Variants in PIAS4 observed in about 807,000 individuals in gnomAD.
PIAS4 encodes the protein E3 SUMO-protein ligase PIAS4.
Under a neutral mutation model 58.0 loss-of-function variants are expected in PIAS4, and 7 were observed. That is an observed-to-expected ratio of 0.12 (90% CI 0.07 to 0.23). PIAS4 has a LOEUF of 0.23. Among genes scored for constraint, PIAS4 ranks in the 10% least tolerant of loss-of-function variants. The pLI is 1.00. For missense variants in PIAS4, 550 were observed against 709.5 expected, an observed-to-expected ratio of 0.78 and a Z score of 2.55; for synonymous variants, 364 against 312.4, an observed-to-expected ratio of 1.17 and a Z score of -1.74.
chr19:4,018,258 G>A (rs992480544), intron 2 of PIAS4, among the ~76,000 whole-genome samples: 7 of 152,364 alleles, frequency 4.6e-5, no homozygotes, highest in Middle Eastern at 3.4e-3. Context: ...CACCGGGCCG[G>A]TGCTTGCCGC....
intron 3 of PIAS4, among the ~76,000 whole-genome samples, chr19:4,026,801 G>A (rs1013847193): frequency 4.6e-5 from 7 of 152,108 alleles, no homozygotes; most frequent in African/African-American, 1.7e-4. Flanking sequence ...TCTTGCCCCA[G>A]ACTTCTGACT....
intron 4 of PIAS4, 119 bp from the exon 5 acceptor site, chr19:4,028,391 G>C: frequency 1.2e-6 from 1 of 824,978 alleles, no homozygotes; most frequent in Admixed American, 2.1e-5. Flanking sequence ...GATACCCCCC[G>C]TGTCACATTC....
At chr19:4,033,372 C>T (rs773100224) in intron 8 of PIAS4, 48 bp from the exon 9 acceptor site, 356 of 1,511,534 alleles carry the variant, frequency 2.4e-4, no homozygotes, top group Non-Finnish European at 3.1e-4. Flanking sequence ...ACCGGGCAGG[C>T]GGGCACAACA....
chr19:4,037,274 A>T lies in PIAS4; in HGVS notation c.1143-100A>T, dbSNP rs567748011. On this transcript the variant is annotated intron_variant, in intron 9 of 10. Coordinates refer to ENST00000262971, the MANE Select transcript of PIAS4 (RefSeq NM_015897.4). This position sits in a 1 kb window ranked among gnomAD's most constrained non-coding sequence, Gnocchi z 5.8. ...TGGTGAGGCTGCTCTTGCAGAGAGA[A>T]GTGGGGAGTGCCTGGCTGCATCCGG... is the stretch of plus-strand genomic sequence containing the variant. 18 of 1,384,854 alleles carry T rather than the reference A, an allele frequency of 1.3e-5. No homozygotes were observed. In the African/African-American group the frequency reaches 3.0e-4, roughly 23 times the overall value. 85.8% of individuals were successfully genotyped at this position (1,384,854 alleles called of 1,614,324 possible).
rs148740518 is a variant in PIAS4, at chr19:4,013,278, A to T, written c.383A>T (p.Lys128Met). The T allele has an allele frequency of 1.8e-3, 2,828 of 1,613,306 alleles. 5 individuals carry two copies. Among genetic ancestry groups the T allele is most frequent in the Non-Finnish European group, 2.0e-3 (2,410 of 1,180,002 alleles). ...GGACGGTTGCCCGCCAAGACCCTCA[A>T]GCCAGAAGTCCGCCTGGTGAAGCTG... ...GLGRLPAKTLKPEVRLVKLPF... is the reference protein window; with the variant it reads ...GLGRLPAKTLMPEVRLVKLPF... Residue 128 changes from lysine to methionine, a missense_variant, in exon 2 of 11, where the codon AAG becomes ATG. By Grantham distance (95) the Lys-to-Met change is moderately conservative (BLOSUM62 -1). Coordinates refer to ENST00000262971, the MANE Select transcript of PIAS4 (RefSeq NM_015897.4). This position sits in a 1 kb window ranked among gnomAD's most constrained non-coding sequence, Gnocchi z 5.1.
chr19:4,023,288 G>A (rs1318304227), intron 2 of PIAS4, among the ~76,000 whole-genome samples: 3 of 151,950 alleles, frequency 2.0e-5, no homozygotes, highest in African/African-American at 7.3e-5. Context: ...AAACCAGCCT[G>A]GCCAACATGG....
intron 2 of PIAS4, among the ~76,000 whole-genome samples, chr19:4,021,742 C>CTTTTTTTTTTTTTTTT (rs776416490): frequency 1.9e-5 from 2 of 104,086 alleles, no homozygotes; most frequent in Non-Finnish European, 4.0e-5. Context: ...TTTTCTTTTT[C>CTTTTTTTTTTTTTTTT]TTTTTTTTTT....
intron 7 of PIAS4, among the ~76,000 whole-genome samples, chr19:4,031,925 G>A (rs1002357527): frequency 3.3e-5 from 5 of 152,168 alleles, no homozygotes; most frequent in African/African-American, 7.2e-5. Context: ...CCCGGGCACC[G>A]GGTAGCCAGA....
rs1191698563 is a variant in PIAS4, at chr19:4,037,421, A to T, written c.1190A>T (p.Glu397Val). 6.2e-7 allele frequency: 1 copy of T among 1,611,234 alleles called. No individual in the cohort carries two copies. The highest frequency in any genetic ancestry group is 1.1e-5 in the South Asian group (1 of 91,032). Residue 397 changes from glutamate (E) to valine (V), a missense_variant, in exon 10 of 11, where the codon GAG (glutamate) becomes GTG (valine). Physicochemically the swap from Glu to Val is moderately radical, Grantham distance 121. Around this residue, in one of 4 missense-constraint regions of PIAS4, gnomAD observed 188 missense variants for 192.0 expected, o/e 0.98. Transcript: ENST00000262971. The surrounding 1 kb of genome is among the most constrained non-coding windows in gnomAD (Gnocchi z 5.8). The part of the protein sequence containing the change: ...LSECEDADEI[E>V]YLVDGSWCPI... ...GAGTGTGAGGACGCCGACGAGATCG[A>T]GTACCTGGTGGACGGCTCGTGGTGC...
At chr19:4,033,234 G>A (rs1256936116) in intron 8 of PIAS4, 61 bp downstream of exon 8, 7 of 1,515,450 alleles carry the variant, frequency 4.6e-6, no homozygotes, top group East Asian at 4.6e-5. Context: ...CCCCCCTGGC[G>A]GCCCTGGGCC....
At position 4,028,810 on chromosome 19, in the gene PIAS4, A is replaced by G. The variant is rs1369901709; in HGVS notation, c.763A>G (p.Thr255Ala). The change falls in exon 6 of 11, where the codon ACC (threonine) becomes GCC (alanine). Residue 255 changes from threonine to alanine, a missense_variant. By Grantham distance (58) the Thr-to-Ala change is moderately conservative (BLOSUM62 0). Around this residue, in one of 4 missense-constraint regions of PIAS4, gnomAD observed 225 missense variants for 345.8 expected, o/e 0.65. Transcript: ENST00000262971. ...LTHLMYLSSA[T>A]NRITVTWGNY... Reference sequence around the variant, plus strand: ...CCACCTCATGTACCTGTCCTCGGCCACCAACCGCATCACTGTCACCTGGGG... The same window carrying G: ...CCACCTCATGTACCTGTCCTCGGCCGCCAACCGCATCACTGTCACCTGGGG... The G allele has an allele frequency of 1.2e-6, 2 of 1,613,554 alleles. No individual in the cohort carries two copies. The highest frequency in any genetic ancestry group is 3.3e-5 in the Admixed American group (2 of 60,008).
At chr19:4,030,351 G>A (rs941408288) in intron 7 of PIAS4, among the ~76,000 whole-genome samples, 1 of 148,970 alleles carries the variant, frequency 6.7e-6, no homozygotes, top group South Asian at 2.2e-4. Context: ...AAGGCGCAGT[G>A]GCTCACACCT....
At chr19:4,009,750 T>C (rs2039975545) in intron 1 of PIAS4, among the ~76,000 whole-genome samples, 5 of 152,186 alleles carry the variant, frequency 3.3e-5, no homozygotes, top group Admixed American at 2.0e-4. Context: ...CAGCCTGTCA[T>C]ATTCATGGCT....
chr19:4,028,922 T>C lies in PIAS4; in HGVS notation c.802-9T>C. ...CCTGCCAGCCCTGACCCCTTCCTTC[T>C]GTCCCCAGAGCTACTCGGTGGCCCT... is the stretch of plus-strand genomic sequence containing the variant. On this transcript the variant is annotated splice_polypyrimidine_tract_variant and intron_variant, in intron 6 of 10. Transcript: ENST00000262971. 6.2e-7 allele frequency: 1 copy of C among 1,601,684 alleles called. No individual in the cohort carries two copies. The highest frequency in any genetic ancestry group is 1.4e-5 in the African/African-American group (1 of 74,056).
Position 4,038,202 on chromosome 19 carries a change from G to GCCGCC in PIAS4, c.*332_*336dup, listed in dbSNP as rs1309588991. 7.0e-6 allele frequency: 2 copies of GCCGCC among 286,954 alleles called. No homozygotes were observed. Among genetic ancestry groups the GCCGCC allele is most frequent in the African/African-American group, 4.6e-5 (2 of 43,174 alleles). 17.8% of individuals were successfully genotyped at this position (286,954 alleles called of 1,614,324 possible). A position where few individuals can be genotyped will look rare whatever the true frequency, so the allele number is the denominator to read the frequency against. On this transcript the variant is annotated 3_prime_UTR_variant, in exon 11 of 11. Coordinates refer to ENST00000262971, the MANE Select transcript of PIAS4 (RefSeq NM_015897.4). This position sits in a 1 kb window ranked among gnomAD's most constrained non-coding sequence, Gnocchi z 4.1. ...GGTAGTGGGCGGGAGGGACCAGGAC[G>GCCGCC]CCGCCCCGCGCCCTCCCCTCCGGAT...
chr19:4,012,871 C>T (rs2040010003), intron 1 of PIAS4, 52 bp from the exon 2 acceptor site: 2 of 1,547,632 alleles, frequency 1.3e-6, no homozygotes, highest in African/African-American at 1.4e-5. Flanking sequence ...CCATGGAGTC[C>T]CCTGCCTCGC....
intron 2 of PIAS4, among the ~76,000 whole-genome samples, chr19:4,023,759 G>A (rs1171281015): frequency 1.3e-5 from 2 of 152,228 alleles, no homozygotes; most frequent in Non-Finnish European, 2.9e-5. Context: ...GGTTTCCTAA[G>A]TAGACGCCTG....
chr19:4,022,206 A>T (rs2040116412), intron 2 of PIAS4, among the ~76,000 whole-genome samples: 1 of 152,228 alleles, frequency 6.6e-6, no homozygotes, highest in Non-Finnish European at 1.5e-5. Flanking sequence ...TCATTGGCAT[A>T]AAGTTTCACC....
At chr19:4,025,418 G>A (rs2040153043) in intron 3 of PIAS4, among the ~76,000 whole-genome samples, 1 of 152,232 alleles carries the variant, frequency 6.6e-6, no homozygotes, top group Admixed American at 6.5e-5. Flanking sequence ...CTAATGGTAG[G>A]TGCTGGGCCC....
Sources: gnomAD v4.1 joint callset for allele counts (sites outside exome capture counted in the v4.1 genomes callset) on GRCh38, gnomAD v4.1.1 for gene constraint, gnomAD v4.1.1 regional missense constraint, Gnocchi (gnomAD v3.1) non-coding constraint, MANE v1.5 for transcripts, NCBI Gene and HGNC (gene_info 2026-07-23, HGNC 2026-07-21) for gene names.